Variants in PDHX observed in about 807,000 individuals in gnomAD.
The protein encoded by PDHX is pyruvate dehydrogenase complex component X.
In PDHX, 33 loss-of-function variants were observed where a neutral mutation model predicts 55.3. The observed-to-expected ratio is 0.60, with a 90% CI of 0.45 to 0.80. The LOEUF is 0.80. Among genes scored for constraint, PDHX ranks in the 30% least tolerant of loss-of-function variants. PDHX has a pLI of 0.00. For synonymous variants in PDHX, 226 were observed against 219.4 expected (o/e 1.03, Z -0.27); for missense variants, 622 against 619.9 (o/e 1.00, Z -0.04).
chr11:34,972,067 T>A (rs932557757), intron 7 of PDHX, among the ~76,000 whole-genome samples: 1 of 152,128 alleles, frequency 6.6e-6, no homozygotes, highest in Non-Finnish European at 1.5e-5. Flanking sequence ...TCTGAAGTAA[T>A]GTTTCTGTTT....
intron 7 of PDHX, among the ~76,000 whole-genome samples, chr11:34,974,445 G>C (rs1223905447): frequency 6.6e-6 from 1 of 151,992 alleles, no homozygotes; most frequent in Admixed American, 6.6e-5. Context: ...TTACCTTTTG[G>C]CTATTGTGAA....
At position 34,960,573 on chromosome 11, in the gene PDHX, T is replaced by C; in HGVS notation, c.641+55T>C. Reference sequence around the variant, plus strand: ...TCCATTATTTATTATGATCATGTTTTTTTGAAAGAAAATAAAAAGAGCTTA... The same window carrying C: ...TCCATTATTTATTATGATCATGTTTCTTTGAAAGAAAATAAAAAGAGCTTA... On this transcript the variant is annotated intron_variant, in intron 5 of 10. Transcript: ENST00000227868. 2.8e-6 allele frequency: 3 copies of C among 1,087,400 alleles called. No homozygotes were observed. The South Asian group carries it at 4.0e-5, about 14-fold the overall frequency. 67.4% of individuals were successfully genotyped at this position (1,087,400 alleles called of 1,614,324 possible).
At chr11:34,977,761 C>T in intron 7 of PDHX, 1 of 459,302 alleles carries the variant, frequency 2.2e-6, no homozygotes, top group Non-Finnish European at 4.4e-6. Context: ...TGTAAACTTC[C>T]TGACTGCACA....
At chr11:34,925,493 C>T (rs3794165) in intron 1 of PDHX, among the ~76,000 whole-genome samples, 28,805 of 151,986 alleles carry the variant, frequency 0.19, 3,893 homozygotes, top group African/African-American at 0.39. Context: ...TGGGTTTCTG[C>T]TTAAAATTAA....
rs1853726733 is a variant in PDHX at position 34,916,801 on chromosome 11, C to T, written c.146C>T (p.Thr49Met). Residue 49 changes from threonine to methionine, a missense_variant, in exon 1 of 11, where the codon ACG (threonine) becomes ATG (methionine). Thr to Met is a moderately conservative substitution (Grantham distance 81). Coordinates refer to ENST00000227868, the MANE Select transcript of PDHX (RefSeq NM_003477.3). Reference sequence around the variant, plus strand: ...GCTAATTGGAGATGGTTTCACAGCACGCAGTGGCTTCGGGGTGAGTGGCCG... The same window carrying T: ...GCTAATTGGAGATGGTTTCACAGCATGCAGTGGCTTCGGGGTGAGTGGCCG... ...RGANWRWFHS[T>M]QWLRGDPIKI... is the part of the protein sequence containing the mutation. 2 of 1,583,154 alleles carry T rather than the reference C, an allele frequency of 1.3e-6. No homozygotes were observed. Among genetic ancestry groups the T allele is most frequent in the East Asian group, 2.3e-5 (1 of 43,300 alleles).
intron 3 of PDHX, among the ~76,000 whole-genome samples, chr11:34,950,035 A>G (rs1464039620): frequency 6.6e-6 from 1 of 152,132 alleles, no homozygotes; most frequent in Non-Finnish European, 1.5e-5. Flanking sequence ...CACCTTCTTC[A>G]GTTGGTTTCT....
At chr11:34,991,266 C>T (rs1450327639) in intron 9 of PDHX, among the ~76,000 whole-genome samples, 1 of 152,106 alleles carries the variant, frequency 6.6e-6, no homozygotes, top group African/African-American at 2.4e-5. Flanking sequence ...GCTATAGGAT[C>T]AAGAACCAAA....
At chr11:34,967,886 T>C (rs979592394) in intron 6 of PDHX, among the ~76,000 whole-genome samples, 1 of 152,204 alleles carries the variant, frequency 6.6e-6, no homozygotes, top group Admixed American at 6.5e-5. Flanking sequence ...GATAAGATAC[T>C]ATGTATATTG....
intron 10 of PDHX, among the ~76,000 whole-genome samples, chr11:34,993,636 T>G (rs75519038): frequency 0.016 from 2,477 of 152,276 alleles, 66 homozygotes; most frequent in African/African-American, 0.057. Context: ...CCTGTTTGTC[T>G]ATCCTTTGTT....
intron 10 of PDHX, 70 bp downstream of exon 10, chr11:34,992,449 G>A: frequency 1.3e-6 from 1 of 797,574 alleles, no homozygotes; most frequent in Non-Finnish European, 2.2e-6. Context: ...GTCCCTGTCA[G>A]CCTTTCATTT....
chr11:34,979,689 TTG>T (rs1855465530), intron 8 of PDHX, among the ~76,000 whole-genome samples: 1 of 152,134 alleles, frequency 6.6e-6, no homozygotes, highest in Admixed American at 6.5e-5. Flanking sequence ...TTGACTATTA[TTG>T]TGATTGATAT....
intron 8 of PDHX, among the ~76,000 whole-genome samples, chr11:34,981,033 T>A (rs1224799085): frequency 6.6e-6 from 1 of 152,132 alleles, no homozygotes; most frequent in Non-Finnish European, 1.5e-5. Context: ...AGTTTTAGGG[T>A]ACATGTGCAC....
chr11:34,989,233 A>G (rs1418358692), intron 9 of PDHX, among the ~76,000 whole-genome samples: 1 of 152,212 alleles, frequency 6.6e-6, no homozygotes, highest in East Asian at 1.9e-4. Context: ...GACCACTGTC[A>G]TATATTTATG....
At chr11:34,937,921 C>T (rs907103580) in intron 2 of PDHX, among the ~76,000 whole-genome samples, 5 of 152,104 alleles carry the variant, frequency 3.3e-5, no homozygotes, top group Non-Finnish European at 5.9e-5. Flanking sequence ...CATTTAATAA[C>T]GTATGTGGAA....
At chr11:34,981,497 A>C (rs1855512812) in intron 8 of PDHX, among the ~76,000 whole-genome samples, 1 of 152,180 alleles carries the variant, frequency 6.6e-6, no homozygotes, top group South Asian at 2.1e-4. Flanking sequence ...ATGATTTATA[A>C]TCTTTTGGGT....
intron 9 of PDHX, among the ~76,000 whole-genome samples, chr11:34,991,832 C>T (rs1283925861): frequency 1.3e-5 from 2 of 149,498 alleles, no homozygotes; most frequent in East Asian, 3.9e-4. Context: ...ATTGCTTGAA[C>T]CTGGGAGATG....
upstream of PDHX, chr11:34,916,143 G>C: frequency 6.5e-7 from 1 of 1,527,036 alleles, no homozygotes; most frequent in South Asian, 1.2e-5. Flanking sequence ...CGCCCGGCCC[G>C]CTACCCTGCG....
intron 3 of PDHX, among the ~76,000 whole-genome samples, chr11:34,951,589 G>T (rs960071733): frequency 2.0e-5 from 3 of 152,106 alleles, no homozygotes; most frequent in African/African-American, 7.2e-5. Flanking sequence ...GTAGATTCTG[G>T]ATATTAGCCC....
chr11:34,975,585 T>TC (rs1237822485), intron 7 of PDHX, among the ~76,000 whole-genome samples: 1 of 152,188 alleles, frequency 6.6e-6, no homozygotes, highest in African/African-American at 2.4e-5. Flanking sequence ...AATGTTTTTT[T>TC]AGTTTCCATT....
Sources: allele counts gnomAD v4.1 joint callset (sites outside exome capture counted in the v4.1 genomes callset), GRCh38; gene constraint gnomAD v4.1.1; transcripts MANE v1.5; gene names NCBI Gene and HGNC (gene_info 2026-07-23, HGNC 2026-07-21).